Variants in ADAMTS5 observed in about 807,000 individuals in gnomAD.
ADAMTS5 encodes the protein ADAM metallopeptidase with thrombospondin type 1 motif 5.
A neutral mutation model predicts 81.4 loss-of-function variants in ADAMTS5; 54 were observed. That is an observed-to-expected ratio of 0.66 (90% CI 0.53 to 0.83). ADAMTS5 has a LOEUF of 0.83. ADAMTS5 is among the 40% of genes least tolerant of loss of function. ADAMTS5 has a pLI of 0.00. For missense variants in ADAMTS5, 1,194 were observed against 1,229.9 expected (o/e 0.97, Z 0.44); for synonymous variants, 532 against 508.8 (o/e 1.05, Z -0.61).
intron 3 of ADAMTS5, among the ~76,000 whole-genome samples, chr21:26,939,959 C>A (rs543675730): frequency 6.6e-6 from 1 of 152,170 alleles, no homozygotes; most frequent in Non-Finnish European, 1.5e-5. Context: ...CACAAATCTG[C>A]AGACACAGTG....
intron 6 of ADAMTS5, 134 bp from the exon 7 acceptor site, chr21:26,930,195 C>CA (rs1358870473): frequency 6.4e-6 from 5 of 778,286 alleles, no homozygotes; most frequent in South Asian, 2.6e-5. Flanking sequence ...AAAAAAAAGC[C>CA]AAAAAAACAT....
At chr21:26,957,270 A>T (rs1987444038) in intron 1 of ADAMTS5, among the ~76,000 whole-genome samples, 1 of 152,258 alleles carries the variant, frequency 6.6e-6, no homozygotes, top group Non-Finnish European at 1.5e-5. Flanking sequence ...TTTGAAGTTT[A>T]TAGAATACTT....
At position 26,965,581 on chromosome 21, in the gene ADAMTS5, G is replaced by T; in HGVS notation, c.811C>A (p.Leu271Met). ...RSISRARQVE[L>M]LLVADASMAR... ...ATGGACGCGTCAGCCACCAGAAGCA[G>T]CTCCACCTGGCGGGCCCGGGAGATG... Residue 271 changes from leucine to methionine, a missense_variant, in exon 1 of 8, where the codon CTG becomes ATG. By Grantham distance (15) the Leu-to-Met change is conservative. Coordinates refer to ENST00000284987, the MANE Select transcript of ADAMTS5 (RefSeq NM_007038.5). 1 of 1,607,382 alleles carries T rather than the reference G, an allele frequency of 6.2e-7. No homozygotes were observed. The highest frequency in any genetic ancestry group is 2.2e-5 in the East Asian group (1 of 44,686).
chr21:26,948,920 C>A (rs1987265918), intron 2 of ADAMTS5, among the ~76,000 whole-genome samples: 1 of 152,012 alleles, frequency 6.6e-6, no homozygotes, highest in African/African-American at 2.4e-5. Context: ...TAGAAAGTAC[C>A]CTGTGTGTTA....
At chr21:26,963,626 C>A (rs1024736798) in intron 1 of ADAMTS5, among the ~76,000 whole-genome samples, 1 of 87,254 alleles carries the variant, frequency 1.1e-5, no homozygotes, top group Non-Finnish European at 2.1e-5. Flanking sequence ...ACCCCAGACA[C>A]GGAAAGTTGC....
rs564673167 is a variant in ADAMTS5, at chr21:26,965,437, C to A, written c.955G>T (p.Val319Leu). 6.2e-7 allele frequency: 1 copy of A among 1,614,252 alleles called. No individual in the cohort carries two copies. Among genetic ancestry groups the A allele is most frequent in the East Asian group, 2.2e-5 (1 of 44,876 alleles). ...NHIRLAVVKV[V>L]VLGDKDKSLE... is the part of the protein sequence containing the mutation. ...CTCTTGTCCTTGTCGCCTAGCACCACCACCTTCACCACGGCCAGGCGGATG... is the reference window on the plus strand; with the variant it reads ...CTCTTGTCCTTGTCGCCTAGCACCAACACCTTCACCACGGCCAGGCGGATG... The change falls in exon 1 of 8, where the codon GTG (valine) becomes TTG (leucine). Residue 319 changes from valine (V) to leucine (L), a missense_variant. Val to Leu is a conservative substitution (Grantham distance 32, BLOSUM62 1). Around this residue, in one of 2 missense-constraint regions of ADAMTS5, gnomAD observed 696 missense variants for 817.6 expected, o/e 0.85. Transcript: ENST00000284987.
In ADAMTS5 at chr21:26,965,914, G is replaced by A; in HGVS notation, c.478C>T (p.His160Tyr). 6.2e-7 allele frequency: 1 copy of A among 1,613,858 alleles called. No individual in the cohort carries two copies. Among genetic ancestry groups the A allele is most frequent in the Non-Finnish European group, 8.5e-7 (1 of 1,179,946 alleles). The change falls in exon 1 of 8, where the codon CAC (histidine) becomes TAC (tyrosine). Residue 160 changes from histidine to tyrosine, a missense_variant. Physicochemically the swap from His to Tyr is moderately conservative, Grantham distance 83. Coordinates refer to ENST00000284987, the MANE Select transcript of ADAMTS5 (RefSeq NM_007038.5). ...GGLDGFFAVK[H>Y]ARYTLKPLLR... ...AGTGGCTTTAGGGTGTAGCGCGCGT[G>A]CTTGACCGCGAAGAAGCCGTCGAGA... is the stretch of plus-strand genomic sequence containing the variant.
Position 26,965,679 on chromosome 21 carries a change from A to T in ADAMTS5, c.713T>A (p.Leu238His), listed in dbSNP as rs749422469. Reference protein sequence around the residue: ...PSGRAALASQLLDQSALSPAG... With the variant: ...PSGRAALASQHLDQSALSPAG... ...GGGCGAGAGAGCGGACTGGTCCAAG[A>T]GCTGCGAGGCCAGTGCTGCGCGTCC... Residue 238 changes from leucine (L) to histidine (H), a missense_variant, in exon 1 of 8, where the codon CTC becomes CAC. Coordinates refer to ENST00000284987, the MANE Select transcript of ADAMTS5 (RefSeq NM_007038.5). 3 of 1,586,572 alleles carry T rather than the reference A, an allele frequency of 1.9e-6. No individual in the cohort carries two copies. In the African/African-American group the frequency reaches 4.0e-5, roughly 21 times the overall value.
intron 1 of ADAMTS5, among the ~76,000 whole-genome samples, chr21:26,964,492 C>A (rs2123211885): frequency 6.6e-6 from 1 of 152,330 alleles, no homozygotes; most frequent in South Asian, 2.1e-4. Flanking sequence ...TGCACTGGGG[C>A]TTCGGAAACA....
At position 26,943,432 on chromosome 21, in the gene ADAMTS5, G is replaced by C. The variant is rs765064681; in HGVS notation, c.1353C>G (p.Pro451=). 1.2e-6 allele frequency: 2 copies of C among 1,613,636 alleles called. No individual in the cohort carries two copies. The highest frequency in any genetic ancestry group is 3.3e-5 in the Admixed American group (2 of 59,962). ...SILTSIDASK[P]WSKCTSATIT... is the part of the protein sequence containing the mutation. ...TGGTGGCTGAAGTGCATTTGGACCAGGGCTTAGATGCATCAATGCTGGTAA... is the reference window on the plus strand; with the variant it reads ...TGGTGGCTGAAGTGCATTTGGACCACGGCTTAGATGCATCAATGCTGGTAA... Residue 451 remains proline, a synonymous_variant, in exon 3 of 8, where the codon CCC becomes CCG. Coordinates refer to ENST00000284987, the MANE Select transcript of ADAMTS5 (RefSeq NM_007038.5).
intron 7 of ADAMTS5, among the ~76,000 whole-genome samples, chr21:26,925,832 C>T (rs1490681924): frequency 6.6e-6 from 1 of 152,242 alleles, no homozygotes. Context: ...TCTACAGTGA[C>T]AGCCACACAG....
In ADAMTS5 at chr21:26,929,909, A is replaced by C; in HGVS notation, c.2202T>G (p.Ile734Met). 1 of 1,614,080 alleles carries C rather than the reference A, an allele frequency of 6.2e-7. No individual in the cohort carries two copies. The highest frequency in any genetic ancestry group is 8.5e-7 in the Non-Finnish European group (1 of 1,179,934). ...ACCTTTTCTTATTAAAGGTTCCAAC[A>C]ATCTTTGTACAGCTGGAGTTGTCTC... is the stretch of plus-strand genomic sequence containing the variant. ...CGGDNSSCTK[I>M]VGTFNKKSKG... Residue 734 changes from isoleucine to methionine, a missense_variant, in exon 7 of 8, where the codon ATT becomes ATG. Transcript: ENST00000284987.
intron 1 of ADAMTS5, among the ~76,000 whole-genome samples, chr21:26,963,356 T>C (rs1342754641): frequency 6.6e-6 from 1 of 151,778 alleles, no homozygotes; most frequent in Non-Finnish European, 1.5e-5. Flanking sequence ...CACTGAGTAG[T>C]TTCCTGTTTT....
chr21:26,923,844 T>A lies in ADAMTS5; in HGVS notation c.*209A>T. On this transcript the variant is annotated 3_prime_UTR_variant, in exon 8 of 8. Coordinates refer to ENST00000284987, the MANE Select transcript of ADAMTS5 (RefSeq NM_007038.5). ...CAGGGGATGTTCAATAACTCCCAAGTTTTTCTATATTGCAAGGTCACCACT... is the reference window on the plus strand; with the variant it reads ...CAGGGGATGTTCAATAACTCCCAAGATTTTCTATATTGCAAGGTCACCACT... 1 of 503,548 alleles carries A rather than the reference T, an allele frequency of 2.0e-6. No homozygotes were observed. The highest frequency in any genetic ancestry group is 3.0e-5 in the East Asian group (1 of 33,218). The allele number at this position is 503,548 out of a possible 1,614,324, so 31.2% of individuals were successfully genotyped here. A position where few individuals can be genotyped will look rare whatever the true frequency, so the allele number is the denominator to read the frequency against.
rs1003241772 is a variant in ADAMTS5 at position 26,928,000 on chromosome 21, A to T, written c.2225+1886T>A. ...AAAGACTGAGTTGCCATTTACTGAGATGAGGAAAACTGAGGGAGGAGCGAG... is the reference window on the plus strand; with the variant it reads ...AAAGACTGAGTTGCCATTTACTGAGTTGAGGAAAACTGAGGGAGGAGCGAG... On this transcript the variant is annotated intron_variant, in intron 7 of 7. Transcript: ENST00000284987. Among the ~76,000 whole-genome samples, 17 of 152,144 alleles carry T rather than the reference A, an allele frequency of 1.1e-4. 1 individual carries two copies. Among genetic ancestry groups the T allele is most frequent in the African/African-American group, 3.9e-4 (16 of 41,418 alleles).
At position 26,966,312 on chromosome 21, in the gene ADAMTS5, G is replaced by T; in HGVS notation, c.80C>A (p.Ala27Asp). The change falls in exon 1 of 8, where the codon GCC (alanine) becomes GAC (aspartate). Residue 27 changes from alanine to aspartate, a missense_variant. Ala to Asp is a moderately radical substitution (Grantham distance 126, BLOSUM62 -2). Coordinates refer to ENST00000284987, the MANE Select transcript of ADAMTS5 (RefSeq NM_007038.5). ...LAAVGPAATP[A>D]QDKAGQPPTA... is the part of the protein sequence containing the mutation. ...CGGAGGCTGCCCGGCTTTATCCTGG[G>T]CAGGTGTCGCGGCGGGGCCGACCGC... 2 of 1,521,864 alleles carry T rather than the reference G, an allele frequency of 1.3e-6. No homozygotes were observed. Among genetic ancestry groups the T allele is most frequent in the East Asian group, 2.5e-5 (1 of 39,328 alleles). 94.3% of individuals were successfully genotyped at this position (1,521,864 alleles called of 1,614,324 possible).
Position 26,965,717 on chromosome 21 carries a change from G to T in ADAMTS5, c.675C>A (p.His225Gln). The T allele has an allele frequency of 6.3e-7, 1 of 1,587,178 alleles. No homozygotes were observed. Among genetic ancestry groups the T allele is most frequent in the African/African-American group, 1.3e-5 (1 of 74,354 alleles). ...GTGCTGCGCGTCCGCTCGGGTTGCT[G>T]TGCGCCGGAGCATGCTCGTGGGCCT... Reference protein sequence around the residue: ...TPEAHEHAPAHSNPSGRAALA... With the variant: ...TPEAHEHAPAQSNPSGRAALA... The change falls in exon 1 of 8, where the codon CAC becomes CAA. Residue 225 changes from histidine to glutamine, a missense_variant. Around this residue, in one of 2 missense-constraint regions of ADAMTS5, gnomAD observed 498 missense variants for 412.3 expected, o/e 1.21. Transcript: ENST00000284987.
chr21:26,945,143 G>A (rs958773803), intron 2 of ADAMTS5, among the ~76,000 whole-genome samples: 1 of 128,554 alleles, frequency 7.8e-6, no homozygotes, highest in Admixed American at 7.9e-5. Flanking sequence ...GAAACTCACA[G>A]CTCACAGAAA....
chr21:26,954,716 G>A, intron 2 of ADAMTS5, 23 bp downstream of exon 2: 2 of 1,609,852 alleles, frequency 1.2e-6, no homozygotes, highest in Non-Finnish European at 1.7e-6. Context: ...ATTTGGTGAG[G>A]GAAAAGAAAA....
Sources: allele counts gnomAD v4.1 joint callset (sites outside exome capture counted in the v4.1 genomes callset), GRCh38; gene constraint gnomAD v4.1.1; regional missense constraint gnomAD v4.1.1; transcripts MANE v1.5; gene names NCBI Gene and HGNC (gene_info 2026-07-23, HGNC 2026-07-21).